CACNA1A: variants seen among roughly 807,000 people sequenced by gnomAD.
CACNA1A encodes voltage-dependent P/Q-type calcium channel subunit alpha-1A.
In CACNA1A, 57 loss-of-function variants were observed where a neutral mutation model predicts 262.4. That is an observed-to-expected ratio of 0.22 (90% confidence interval 0.18 to 0.27). The LOEUF is 0.27. Among genes scored for constraint, CACNA1A ranks in the 10% least tolerant of loss-of-function variants. CACNA1A has a pLI of 1.00. For missense variants in CACNA1A, 2,526 were observed against 3,562.8 expected (o/e 0.71, Z 7.41); for synonymous variants, 1,431 against 1,419.3 (o/e 1.01, Z -0.18).
In CACNA1A at chr19:13,299,099, A is replaced by G. The variant is rs1430117760; in HGVS notation, c.2534T>C (p.Val845Ala). ...GCGCTGCTGGCCGAGGCGCTGGTCC[A>G]CGGTGGGCTCGGCCGCCCGGCTCTT... ...TNKSRAAEPT[V>A]DQRLGQQRAE... The change falls in exon 19 of 47, where the codon GTG becomes GCG. Residue 845 changes from valine to alanine, a missense_variant. Around this residue, in one of 17 missense-constraint regions of CACNA1A, gnomAD observed 765 missense variants for 748.6 expected, o/e 1.02. Coordinates refer to ENST00000360228, the MANE Select transcript of CACNA1A (RefSeq NM_001127222.2). The G allele has an allele frequency of 6.2e-7, 1 of 1,611,882 alleles. No individual in the cohort carries two copies. The highest frequency in any genetic ancestry group is 1.1e-5 in the South Asian group (1 of 91,014).
At chr19:13,480,070 A>G (rs2084476967) in intron 1 of CACNA1A, among the ~76,000 whole-genome samples, 1 of 152,258 alleles carries the variant, frequency 6.6e-6, no homozygotes, top group Non-Finnish European at 1.5e-5. Flanking sequence ...TCCCCGTACT[A>G]TAACAATAAC....
At chr19:13,228,340 G>C (rs1451440377) in intron 36 of CACNA1A, among the ~76,000 whole-genome samples, 3 of 151,926 alleles carry the variant, frequency 2.0e-5, no homozygotes, top group African/African-American at 7.3e-5. Flanking sequence ...GGTGAGGGGT[G>C]GAGGGGGAGA....
At chr19:13,396,941 G>A (rs1233300688) in intron 3 of CACNA1A, among the ~76,000 whole-genome samples, 1 of 152,206 alleles carries the variant, frequency 6.6e-6, no homozygotes, top group Non-Finnish European at 1.5e-5. Context: ...CTTCTGCACA[G>A]CTCTGCCTCC....
At position 13,385,346 on chromosome 19, in the gene CACNA1A, C is replaced by T. The variant is rs567457310; in HGVS notation, c.540-13567G>A. Among the ~76,000 whole-genome samples the T allele has an allele frequency of 4.4e-4, 67 of 151,646 alleles. 1 individual carries two copies. Among genetic ancestry groups the T allele is most frequent in the African/African-American group, 1.6e-3 (65 of 41,314 alleles). On this transcript the variant is annotated intron_variant, in intron 3 of 46. Coordinates refer to ENST00000360228, the MANE Select transcript of CACNA1A (RefSeq NM_001127222.2). ...CCAGGTTCAAGCGATTCTCCTGCCT[C>T]AGCCTCCCAAGTAGCTGGGATTACA...
At chr19:13,388,423 T>C (rs2059656392) in intron 3 of CACNA1A, among the ~76,000 whole-genome samples, 1 of 151,826 alleles carries the variant, frequency 6.6e-6, no homozygotes, top group South Asian at 2.1e-4. Context: ...GCCTGGCTAA[T>C]TTTTGTATTT....
chr19:13,306,038 C>A (rs2057895286), intron 15 of CACNA1A, among the ~76,000 whole-genome samples: 1 of 143,604 alleles, frequency 7.0e-6, no homozygotes, highest in African/African-American at 2.6e-5. Context: ...CCAGCCTGGG[C>A]AACAGAGCGA....
In CACNA1A at chr19:13,212,952, C is replaced by T. The variant is rs1318941665; in HGVS notation, c.5941-212G>A. Among the ~76,000 whole-genome samples, 1 of 152,102 alleles carries T rather than the reference C, an allele frequency of 6.6e-6. No homozygotes were observed. Among genetic ancestry groups the T allele is most frequent in the Non-Finnish European group, 1.5e-5 (1 of 68,016 alleles). The stretch of plus-strand genomic sequence containing the variant: ...TAGCCCCAGCCTGGTCCCACGTCCT[C>T]ATCTCTCACTGCAGGCACCTTCTCC... On this transcript the variant is annotated intron_variant, in intron 40 of 46. Transcript: ENST00000360228. This position sits in a 1 kb window ranked among gnomAD's most constrained non-coding sequence, Gnocchi z 5.6.
intron 10 of CACNA1A, among the ~76,000 whole-genome samples, chr19:13,328,510 T>G (rs548699426): frequency 2.0e-5 from 3 of 152,202 alleles, no homozygotes; most frequent in African/African-American, 7.2e-5. Flanking sequence ...ATATGCATAC[T>G]TGGCAGGTTT....
At chr19:13,323,649 C>T (rs780858923) in intron 10 of CACNA1A, among the ~76,000 whole-genome samples, 24 of 152,124 alleles carry the variant, frequency 1.6e-4, no homozygotes, top group Non-Finnish European at 3.2e-4. Flanking sequence ...GTTTGAGTTC[C>T]TTATATATTT....
intron 6 of CACNA1A, among the ~76,000 whole-genome samples, chr19:13,339,218 G>C (rs900989744): frequency 6.6e-6 from 1 of 152,070 alleles, no homozygotes; most frequent in East Asian, 1.9e-4. Context: ...ATGCTGATAC[G>C]TGCTGCAACA....
chr19:13,425,276 A>G (rs748319692), intron 3 of CACNA1A, among the ~76,000 whole-genome samples: 5 of 152,202 alleles, frequency 3.3e-5, no homozygotes, highest in Non-Finnish European at 4.4e-5. Context: ...TCCCAGAGGT[A>G]ACCTGAGCAT....
In CACNA1A at chr19:13,376,720, ATAT is replaced by A. The variant is rs1202750478; in HGVS notation, c.540-4944_540-4942del. ...TGTTACATATGATACACTACACATA[ATAT>A]ATGTTATATATGATATATATAACAC... On this transcript the variant is annotated intron_variant, in intron 3 of 46. Transcript: ENST00000360228. 3.4e-5 allele frequency among the ~76,000 whole-genome samples: 5 copies of A among 147,862 alleles called. 1 individual carries two copies. The East Asian group carries it at 9.8e-4, about 29-fold the overall frequency.
intron 24 of CACNA1A, chr19:13,273,650 TA>T (rs1180897156): frequency 7.0e-6 from 1 of 142,684 alleles, no homozygotes. Flanking sequence ...AACAGCTTGC[TA>T]AACCTGTTTT....
chr19:13,488,638 GA>G lies in CACNA1A; in HGVS notation c.293+17293del, dbSNP rs778746949. ...TGGTCTCAAACTTCTGACCTCAGGT[GA>G]TCCACCCGCCTTGGCCTCTTAAAGT... On this transcript the variant is annotated intron_variant, in intron 1 of 46. Transcript: ENST00000360228. Among the ~76,000 whole-genome samples, 5 of 151,894 alleles carry G rather than the reference GA, an allele frequency of 3.3e-5. No individual in the cohort carries two copies. The East Asian group carries it at 7.8e-4, about 24-fold the overall frequency.
rs1319888995 is a variant in CACNA1A at position 13,228,601 on chromosome 19, G to T, written c.5529-1074C>A. The T allele has an allele frequency of 1.1e-3, 243 of 226,178 alleles. 1 individual carries two copies. The highest frequency in any genetic ancestry group is 6.4e-3 in the African/African-American group (216 of 33,644). The allele number at this position is 226,178 out of a possible 1,614,324, so 14.0% of individuals were successfully genotyped here. On this transcript the variant is annotated intron_variant, in intron 36 of 46. Coordinates refer to ENST00000360228, the MANE Select transcript of CACNA1A (RefSeq NM_001127222.2). Reference sequence around the variant, plus strand: ...ATGGCTCTGTTTTTTTAGAGAGAGAGAGAGATATATATATATATATATATG... The same window carrying T: ...ATGGCTCTGTTTTTTTAGAGAGAGATAGAGATATATATATATATATATATG...
At chr19:13,462,757 C>T (rs1042171329) in intron 1 of CACNA1A, among the ~76,000 whole-genome samples, 3 of 152,074 alleles carry the variant, frequency 2.0e-5, no homozygotes, top group South Asian at 2.1e-4. Context: ...ACAGTCTATG[C>T]CTTTTTTTGT....
chr19:13,285,341 T>C (rs1039292607), intron 20 of CACNA1A, 135 bp from the exon 21 acceptor site: 3 of 847,720 alleles, frequency 3.5e-6, no homozygotes, highest in South Asian at 1.8e-5. Context: ...AGGCATCTTA[T>C]GACATCACTG....
intron 1 of CACNA1A, among the ~76,000 whole-genome samples, chr19:13,477,140 C>T (rs952539305): frequency 2.0e-5 from 3 of 152,210 alleles, no homozygotes; most frequent in South Asian, 2.1e-4. Flanking sequence ...GTCACATATA[C>T]CCCTACCTCA....
chr19:13,438,109 C>A (rs1373264529), intron 3 of CACNA1A, among the ~76,000 whole-genome samples: 1 of 146,728 alleles, frequency 6.8e-6, no homozygotes, highest in Non-Finnish European at 1.5e-5. Context: ...TTTTTGCTGA[C>A]ATTTTTTCCT....
Sources: gnomAD v4.1 joint callset for allele counts (sites outside exome capture counted in the v4.1 genomes callset) on GRCh38, gnomAD v4.1.1 for gene constraint, gnomAD v4.1.1 regional missense constraint, Gnocchi (gnomAD v3.1) non-coding constraint, MANE v1.5 for transcripts, NCBI Gene and HGNC (gene_info 2026-07-23, HGNC 2026-07-21) for gene names.